SRFBP1: variants seen among roughly 807,000 people sequenced by gnomAD.
The protein encoded by SRFBP1 is serum response factor-binding protein 1.
SRFBP1 carries 47 observed loss-of-function variants against 45.5 expected under a neutral mutation model. The ratio of observed to expected loss-of-function variants is 1.03; its 90% CI spans 0.82 to 1.32. The LOEUF (loss-of-function observed/expected upper bound fraction) is 1.32. Among genes scored for constraint, SRFBP1 ranks in the 40% most tolerant of loss-of-function variants. The probability of loss-of-function intolerance (pLI) is 0.00; values close to 1 mark genes in which losing one functional copy is unlikely to be tolerated. For synonymous variants in SRFBP1, 203 were observed against 166.3 expected, an observed-to-expected ratio of 1.22 and a Z score of -1.70; for missense variants, 621 against 484.6, an observed-to-expected ratio of 1.28 and a Z score of -2.64.
chr5:122,019,733 TTA>T (rs1367678753), intron 5 of SRFBP1, among the ~76,000 whole-genome samples: 2 of 151,692 alleles, frequency 1.3e-5, no homozygotes, highest in African/African-American at 4.8e-5. Flanking sequence ...ATACTGAATT[TTA>T]TGTCTGAAAG....
At chr5:121,968,052 A>G (rs1451185421) in intron 1 of SRFBP1, among the ~76,000 whole-genome samples, 1 of 151,908 alleles carries the variant, frequency 6.6e-6, no homozygotes. Flanking sequence ...ATTTTTCACA[A>G]TTTTAGTAAC....
intron 2 of SRFBP1, among the ~76,000 whole-genome samples, chr5:122,041,634 A>T (rs1753774378): frequency 6.6e-6 from 1 of 151,996 alleles, no homozygotes; most frequent in Non-Finnish European, 1.5e-5. Context: ...GGTATATGTG[A>T]AGGTTATGAA....
At chr5:122,015,480 G>A (rs532438399) in intron 4 of SRFBP1, among the ~76,000 whole-genome samples, 4 of 152,252 alleles carry the variant, frequency 2.6e-5, no homozygotes, top group African/African-American at 7.2e-5. Flanking sequence ...CAGGCATCAC[G>A]CTTTTTCTGT....
At chr5:121,973,069 A>G (rs530492541) in intron 1 of SRFBP1, among the ~76,000 whole-genome samples, 3 of 151,968 alleles carry the variant, frequency 2.0e-5, no homozygotes, top group South Asian at 4.1e-4. Context: ...AAGAAACAGG[A>G]TGATGTTGAT....
At chr5:121,999,480 A>G (rs1333469775) in intron 4 of SRFBP1, among the ~76,000 whole-genome samples, 1 of 152,062 alleles carries the variant, frequency 6.6e-6, no homozygotes, top group Non-Finnish European at 1.5e-5. Context: ...GGTTGATGGT[A>G]TTCAGATTAT....
chr5:121,990,896 G>C (rs896928752), intron 3 of SRFBP1, among the ~76,000 whole-genome samples: 35 of 152,286 alleles, frequency 2.3e-4, no homozygotes, highest in Non-Finnish European at 5.9e-5. Flanking sequence ...GTACACTTCT[G>C]AATAGTTAGC....
In SRFBP1 at chr5:121,994,320, A is replaced by G. The variant is rs75650572; in HGVS notation, c.199-279A>G. Among the ~76,000 whole-genome samples the G allele has an allele frequency of 5.1e-3, 780 of 151,974 alleles. 19 individuals carry two copies. The East Asian group carries it at 0.053, about 10-fold the overall frequency. On this transcript the variant is annotated intron_variant, in intron 3 of 7. Transcript: ENST00000339397. ...GCATATCTTTGAAGCTTTTTAAATAACTGTTCTTTGTGAGTCTTTATTATA... is the reference window on the plus strand; with the variant it reads ...GCATATCTTTGAAGCTTTTTAAATAGCTGTTCTTTGTGAGTCTTTATTATA...
rs1561577098 is a variant in SRFBP1, at chr5:121,975,304, A to AT, written c.126-5dup. On this transcript the variant is annotated splice_polypyrimidine_tract_variant and intron_variant, in intron 2 of 7. Coordinates refer to ENST00000339397, the MANE Select transcript of SRFBP1 (RefSeq NM_152546.3). ...TTTGCCTGGCTACATATCGTAATGT[A>AT]TTTTTTGCAGGGGTACTGAAGATGC... 1.2e-6 allele frequency: 2 copies of AT among 1,612,686 alleles called. No individual in the cohort carries two copies. The highest frequency in any genetic ancestry group is 2.7e-5 in the African/African-American group (2 of 74,844).
At chr5:122,062,442 G>T (rs531614585) in intron 2 of SRFBP1, among the ~76,000 whole-genome samples, 1 of 152,064 alleles carries the variant, frequency 6.6e-6, no homozygotes, top group African/African-American at 2.4e-5. Context: ...AAAAAGGAAA[G>T]ATCTACACAC....
intron 3 of SRFBP1, among the ~76,000 whole-genome samples, chr5:121,977,044 C>G (rs951499468): frequency 1.3e-5 from 2 of 151,748 alleles, no homozygotes; most frequent in African/African-American, 4.8e-5. Context: ...AAAAGTTGTC[C>G]TTTTTGATCT....
Position 122,075,509 on chromosome 5 carries a change from T to C in SRFBP1, n.506T>C, listed in dbSNP as rs1754590680. 1 of 1,612,332 alleles carries C rather than the reference T, an allele frequency of 6.2e-7. No individual in the cohort carries two copies. Among genetic ancestry groups the C allele is most frequent in the African/African-American group, 1.3e-5 (1 of 74,826 alleles). ...GGGAAATCTGAGCAGCACCCTGTGA[T>C]CATAATCTCTGACATCTGCCCTGTA... On this transcript the variant is annotated non_coding_transcript_exon_variant, in exon 3 of 3. Coordinates refer to the SRFBP1 transcript ENST00000504881.
chr5:121,978,307 A>ATACT (rs1561578190), intron 3 of SRFBP1, among the ~76,000 whole-genome samples: 2 of 152,206 alleles, frequency 1.3e-5, no homozygotes, highest in Non-Finnish European at 2.9e-5. Flanking sequence ...CCACTGTAGT[A>ATACT]TACTGCTTCA....
At chr5:121,971,582 G>A (rs1399104099) in intron 1 of SRFBP1, among the ~76,000 whole-genome samples, 4 of 151,974 alleles carry the variant, frequency 2.6e-5, no homozygotes, top group African/African-American at 9.7e-5. Flanking sequence ...TAAAAGGAGT[G>A]ATCTCAGCTG....
intron 2 of SRFBP1, chr5:122,065,465 A>T (rs1415022875): frequency 6.6e-6 from 1 of 152,126 alleles, no homozygotes; most frequent in Non-Finnish European, 1.5e-5. Flanking sequence ...CTATTATGGC[A>T]CATGGTTTCA....
downstream of SRFBP1, among the ~76,000 whole-genome samples, chr5:122,030,195 A>C (rs561932693): frequency 3.1e-4 from 47 of 152,248 alleles, no homozygotes; most frequent in Non-Finnish European, 5.3e-4. Flanking sequence ...CCAAACTATC[A>C]GAATCAACCT....
chr5:122,047,016 A>G (rs1411164647), intron 2 of SRFBP1, among the ~76,000 whole-genome samples: 1 of 152,050 alleles, frequency 6.6e-6, no homozygotes, highest in Non-Finnish European at 1.5e-5. Context: ...CTCTGATGGT[A>G]GTTTCTTTTG....
intron 1 of SRFBP1, among the ~76,000 whole-genome samples, chr5:121,962,515 C>T (rs777586343): frequency 6.6e-6 from 1 of 152,208 alleles, no homozygotes; most frequent in Non-Finnish European, 1.5e-5. Flanking sequence ...AATTGGTGGT[C>T]TTGAATGAGA....
chr5:122,077,403 G>A, downstream of SRFBP1: 1 of 1,614,100 alleles, frequency 6.2e-7, no homozygotes, highest in African/African-American at 1.3e-5. The surrounding 1 kb of genome is among the most constrained non-coding windows in gnomAD (Gnocchi z 4.9). Context: ...CTGCCCCCAG[G>A]TCTGGGCCTT....
At chr5:121,988,161 G>A (rs1486619083) in intron 3 of SRFBP1, among the ~76,000 whole-genome samples, 1 of 152,112 alleles carries the variant, frequency 6.6e-6, no homozygotes, top group East Asian at 1.9e-4. Context: ...ACATAATTAG[G>A]AAGGAATTCA....
Sources: gnomAD v4.1 joint callset for allele counts (sites outside exome capture counted in the v4.1 genomes callset) on GRCh38, gnomAD v4.1.1 for gene constraint, Gnocchi (gnomAD v3.1) non-coding constraint, MANE v1.5 for transcripts, NCBI Gene and HGNC (gene_info 2026-07-23, HGNC 2026-07-21) for gene names.